Variants in ZSCAN18 observed in about 807,000 individuals in gnomAD.
The protein encoded by ZSCAN18 is zinc finger and SCAN domain containing 18, also known as zinc finger and SCAN domain-containing protein 18.
ZSCAN18 carries 16 observed loss-of-function variants against 31.1 expected under a neutral mutation model. The ratio of observed to expected loss-of-function variants is 0.51; its 90% CI spans 0.35 to 0.78. ZSCAN18 has a LOEUF of 0.78. Among genes scored for constraint, ZSCAN18 ranks in the 30% least tolerant of loss-of-function variants. The pLI is 0.01. For synonymous variants in ZSCAN18, 375 were observed against 320.7 expected (o/e 1.17, Z -1.81); for missense variants, 731 against 697.4 (o/e 1.05, Z -0.54).
chr19:58,115,597 A>T (rs1464956939), intron 1 of ZSCAN18, among the ~76,000 whole-genome samples: 2 of 152,202 alleles, frequency 1.3e-5, no homozygotes, highest in East Asian at 3.8e-4. Context: ...CACAACATTA[A>T]CATGTCTTTG....
At chr19:58,088,589 G>A in intron 3 of ZSCAN18, 99 bp downstream of exon 3, 1 of 1,291,842 alleles carries the variant, frequency 7.7e-7, no homozygotes, top group South Asian at 1.4e-5. Context: ...TGGAGCCCCT[G>A]ACTCCCTGGC....
intron 3 of ZSCAN18, chr19:58,087,632 A>G: frequency 1.9e-6 from 1 of 515,226 alleles, no homozygotes; most frequent in Non-Finnish European, 3.4e-6. Flanking sequence ...GGATTCATGG[A>G]AATCTTTTTT....
chr19:58,114,526 G>A (rs1016352518), intron 1 of ZSCAN18, among the ~76,000 whole-genome samples: 4 of 144,842 alleles, frequency 2.8e-5, no homozygotes, highest in African/African-American at 7.4e-5. Context: ...ATACATATAC[G>A]CACAGATAAA....
chr19:58,103,617 G>A (rs928624401), intron 1 of ZSCAN18, among the ~76,000 whole-genome samples: 9 of 152,276 alleles, frequency 5.9e-5, no homozygotes, highest in East Asian at 1.9e-4. Context: ...GCCATTGCTC[G>A]CTGGTACGCA....
intron 1 of ZSCAN18, among the ~76,000 whole-genome samples, chr19:58,112,131 G>A (rs1236143773): frequency 6.6e-6 from 1 of 151,988 alleles, no homozygotes; most frequent in Admixed American, 6.6e-5. Flanking sequence ...ACTGCCCTGG[G>A]GTAAGGTGAT....
At chr19:58,118,230 C>G (rs1274144326) in intron 1 of ZSCAN18, 10 of 1,100,782 alleles carry the variant, frequency 9.1e-6, no homozygotes, top group Non-Finnish European at 1.1e-5. Context: ...ACGCAGCCAC[C>G]GCCCAGCCCC....
intron 1 of ZSCAN18, among the ~76,000 whole-genome samples, chr19:58,110,839 A>C (rs2074676752): frequency 1.3e-5 from 2 of 152,224 alleles, no homozygotes; most frequent in African/African-American, 4.8e-5. Flanking sequence ...GTGTATGCAC[A>C]CTCCATGTGT....
At chr19:58,092,690 G>A (rs980433898) in intron 1 of ZSCAN18, 1 of 983,946 alleles carries the variant, frequency 1.0e-6, no homozygotes, top group Non-Finnish European at 1.2e-6. Context: ...GCTGTTGGAA[G>A]ACATTCTACA....
chr19:58,087,507 C>T, intron 3 of ZSCAN18, 103 bp from the exon 4 acceptor site: 2 of 992,770 alleles, frequency 2.0e-6, no homozygotes. Context: ...CCCCAGTGTG[C>T]TTCTGTGACA....
intron 1 of ZSCAN18, 184 bp downstream of exon 1, chr19:58,097,990 G>T (rs951971307): frequency 1.3e-4 from 129 of 985,598 alleles, no homozygotes; most frequent in Non-Finnish European, 1.5e-4. Flanking sequence ...CCCGGCCCCT[G>T]CCCCGCACTC....
chr19:58,097,973 G>A lies in ZSCAN18; in HGVS notation c.-120+201C>T, dbSNP rs78170025. On this transcript the variant is annotated intron_variant, in intron 1 of 6. Coordinates refer to ENST00000601144, the MANE Select transcript of ZSCAN18 (RefSeq NM_001145543.2). ...ACCGATCTGGATCTCAGCCACCTCC[G>A]GGGGGACCCGGCCCCTGCCCCGCAC... 1,153 of 985,288 alleles carry A rather than the reference G, an allele frequency of 1.2e-3. 9 individuals carry two copies. The African/African-American group carries it at 0.017, about 14-fold the overall frequency. 61.0% of individuals were successfully genotyped at this position (985,288 alleles called of 1,614,324 possible).
intron 1 of ZSCAN18, among the ~76,000 whole-genome samples, chr19:58,104,286 G>A (rs2074616398): frequency 6.6e-6 from 1 of 152,126 alleles, no homozygotes; most frequent in Admixed American, 6.5e-5. Flanking sequence ...GTCTGAGGCA[G>A]GAGAATTGCT....
chr19:58,116,152 T>C (rs190948002), intron 1 of ZSCAN18, among the ~76,000 whole-genome samples: 2 of 149,530 alleles, frequency 1.3e-5, no homozygotes, highest in African/African-American at 4.9e-5. Context: ...AAACACCCCA[T>C]ACTCCATATT....
At chr19:58,106,421 G>GTTTTTTTTTGTTTTTTTTTTGAAATGGA (rs368006741) in intron 1 of ZSCAN18, among the ~76,000 whole-genome samples, 15 of 60,236 alleles carry the variant, frequency 2.5e-4, no homozygotes, top group African/African-American at 5.9e-4. Flanking sequence ...AAAGACATCT[G>GTTTTTTTTTGTTTTTTTTTTGAAATGGA]GCTGGGCGCG....
chr19:58,113,358 G>T (rs2074703536), intron 1 of ZSCAN18, among the ~76,000 whole-genome samples: 1 of 151,876 alleles, frequency 6.6e-6, no homozygotes, highest in Non-Finnish European at 1.5e-5. Context: ...TGGGGAATCT[G>T]CATTAGGATA....
At chr19:58,086,828 G>A in intron 5 of ZSCAN18, 78 bp downstream of exon 5, 2 of 1,098,224 alleles carry the variant, frequency 1.8e-6, no homozygotes, top group Admixed American at 2.1e-5. Context: ...CAAAGTCCCT[G>A]GGGTCACAGT....
chr19:58,089,938 C>T lies in ZSCAN18; in HGVS notation c.330G>A (p.Val110=). 1 of 1,614,158 alleles carries T rather than the reference C, an allele frequency of 6.2e-7. No individual in the cohort carries two copies. Among genetic ancestry groups the T allele is most frequent in the Non-Finnish European group, 8.5e-7 (1 of 1,180,022 alleles). The stretch of plus-strand genomic sequence containing the variant: ...TCTTGCAGCTCTCAGGGTACTGTGC[C>T]ACCACCCAGGGCCGGACCTTATCAG... ...ILPDKVRPWV[V]AQYPESCKKA... is the part of the protein sequence containing the mutation. Residue 110 remains valine, a synonymous_variant, in exon 2 of 7, where the codon GTG becomes GTA. Transcript: ENST00000601144.
upstream of ZSCAN18, among the ~76,000 whole-genome samples, chr19:58,100,286 G>A (rs1205633428): frequency 2.6e-5 from 4 of 152,018 alleles, no homozygotes; most frequent in Non-Finnish European, 5.9e-5. Context: ...TATAACTCAG[G>A]AACTGCCAAA....
At chr19:58,103,664 CCT>C (rs141521545) in intron 1 of ZSCAN18, among the ~76,000 whole-genome samples, 3,179 of 152,282 alleles carry the variant, frequency 0.021, 52 homozygotes, top group Non-Finnish European at 0.031. Context: ...CTCCCTATTC[CCT>C]GAGACAAAAC....
Sources: allele counts gnomAD v4.1 joint callset (sites outside exome capture counted in the v4.1 genomes callset), GRCh38; gene constraint gnomAD v4.1.1; transcripts MANE v1.5; gene names NCBI Gene and HGNC (gene_info 2026-07-23, HGNC 2026-07-21).